Variants in PCSK5 observed in about 807,000 individuals in gnomAD.
PCSK5 encodes the protein proprotein convertase subtilisin/kexin type 5.
In PCSK5, 129 loss-of-function variants were observed where a neutral mutation model predicts 233.2. The observed-to-expected ratio is 0.55, with a 90% CI of 0.48 to 0.64. The LOEUF (loss-of-function observed/expected upper bound fraction) is 0.64. Among genes scored for constraint, PCSK5 ranks in the 30% least tolerant of loss-of-function variants. The pLI, the probability that PCSK5 is intolerant of heterozygous loss-of-function variation, is 0.00. For missense variants in PCSK5, 2,076 were observed against 2,430.1 expected, an observed-to-expected ratio of 0.85 and a Z score of 3.06; for synonymous variants, 825 against 879.2, an observed-to-expected ratio of 0.94 and a Z score of 1.09.
At chr9:76,145,142 A>G (rs1039972902) in intron 10 of PCSK5, among the ~76,000 whole-genome samples, 3 of 152,248 alleles carry the variant, frequency 2.0e-5, no homozygotes, top group East Asian at 1.9e-4. Flanking sequence ...ATAAGATTGC[A>G]ATATCTGTGG....
chr9:75,919,603 AT>A (rs1823156049), intron 1 of PCSK5, among the ~76,000 whole-genome samples: 1 of 152,060 alleles, frequency 6.6e-6, no homozygotes, highest in Non-Finnish European at 1.5e-5. Flanking sequence ...TGATATTGCC[AT>A]TTTTTCCTTT....
intron 3 of PCSK5, among the ~76,000 whole-genome samples, chr9:76,021,555 G>A (rs2131480523): frequency 6.6e-6 from 1 of 152,204 alleles, no homozygotes; most frequent in Admixed American, 6.5e-5. Context: ...AAGAAGTCAG[G>A]AAGATGGGGG....
chr9:76,007,029 G>A (rs2131443174), intron 3 of PCSK5, among the ~76,000 whole-genome samples: 1 of 151,852 alleles, frequency 6.6e-6, no homozygotes, highest in East Asian at 1.9e-4. Flanking sequence ...TTGCTTTTTT[G>A]TTCTCTTTCC....
intron 30 of PCSK5, among the ~76,000 whole-genome samples, chr9:76,320,465 C>CTTTTTTT (rs140154837): frequency 1.6e-4 from 16 of 102,014 alleles, no homozygotes; most frequent in African/African-American, 4.2e-4. Context: ...TACATTGTAG[C>CTTTTTTT]TTTTTTTTTT....
At chr9:76,107,192 C>G in intron 8 of PCSK5, 59 bp from the exon 9 acceptor site, 1 of 985,378 alleles carries the variant, frequency 1.0e-6, no homozygotes, top group Middle Eastern at 2.4e-4. Context: ...ATATTTCTTT[C>G]TACTTGCAGG....
intron 24 of PCSK5, among the ~76,000 whole-genome samples, chr9:76,248,252 T>C (rs1826683350): frequency 6.6e-6 from 1 of 152,192 alleles, no homozygotes; most frequent in Non-Finnish European, 1.5e-5. Context: ...TTTCTAGTTA[T>C]GATTTGAACC....
intron 7 of PCSK5, among the ~76,000 whole-genome samples, chr9:76,091,939 T>C (rs1053947501): frequency 6.6e-6 from 1 of 152,154 alleles, no homozygotes; most frequent in African/African-American, 2.4e-5. Context: ...AAGGGACATT[T>C]TCAGGGCAGC....
rs1399393438 is a variant in PCSK5 at position 76,059,797 on chromosome 9, A to C, written c.633-8158A>C. 2.6e-5 allele frequency among the ~76,000 whole-genome samples: 4 copies of C among 152,258 alleles called. No individual in the cohort carries two copies. The East Asian group carries it at 7.7e-4, about 29-fold the overall frequency. ...AATTCTAAAAAATTATAAATGTTTC[A>C]AATTTTTTATCCTACAGGATAAAAA... On this transcript the variant is annotated intron_variant, in intron 5 of 37. Coordinates refer to ENST00000674117, the MANE Select transcript of PCSK5 (RefSeq NM_001372043.1).
rs1028427730 is a variant in PCSK5 at position 76,310,937 on chromosome 9, ACTCTT to A, written c.3884+91_3884+95del. ...GCAATTCTTTCTTATTCACCAAAAA[ACTCTT>A]CTCTGCTCTACGAGCACCCACATAA... On this transcript the variant is annotated intron_variant, in intron 30 of 37. Transcript: ENST00000674117. 2.5e-4 allele frequency: 224 copies of A among 899,954 alleles called. 1 individual carries two copies. The African/African-American group carries it at 3.4e-3, about 14-fold the overall frequency. 55.7% of individuals were successfully genotyped at this position (899,954 alleles called of 1,614,324 possible). A position where few individuals can be genotyped will look rare whatever the true frequency, so the allele number is the denominator to read the frequency against.
chr9:76,308,208 G>C (rs1828761385), intron 28 of PCSK5, among the ~76,000 whole-genome samples: 2 of 152,042 alleles, frequency 1.3e-5, no homozygotes, highest in Non-Finnish European at 2.9e-5. Flanking sequence ...AAAAAGAAAA[G>C]AAAAGAAAAG....
chr9:76,042,705 A>G (rs1334113758), intron 5 of PCSK5, among the ~76,000 whole-genome samples: 1 of 152,196 alleles, frequency 6.6e-6, no homozygotes, highest in African/African-American at 2.4e-5. Flanking sequence ...TATAGACTGA[A>G]TATTTGTTGC....
chr9:76,337,895 A>G (rs1266173512), intron 34 of PCSK5, among the ~76,000 whole-genome samples: 1 of 152,154 alleles, frequency 6.6e-6, no homozygotes, highest in Non-Finnish European at 1.5e-5. Context: ...TCACAACTTA[A>G]AGCATGAACT....
chr9:75,911,901 A>G (rs965645042), intron 1 of PCSK5, among the ~76,000 whole-genome samples: 1 of 152,212 alleles, frequency 6.6e-6, no homozygotes, highest in African/African-American at 2.4e-5. Context: ...AAACCAAGTC[A>G]TATGACCAAG....
chr9:75,934,505 G>T (rs188243918), intron 2 of PCSK5, among the ~76,000 whole-genome samples: 49 of 149,974 alleles, frequency 3.3e-4, no homozygotes, highest in African/African-American at 1.1e-3. Context: ...AGACCATCCA[G>T]GACATTGCAG....
At chr9:76,095,752 C>T in intron 7 of PCSK5, 138 bp from the exon 8 acceptor site, 1 of 699,648 alleles carries the variant, frequency 1.4e-6, no homozygotes, top group Non-Finnish European at 2.5e-6. Flanking sequence ...TTACTCCACT[C>T]CCAGAAGCTG....
chr9:76,233,443 GTC>G lies in PCSK5; in HGVS notation c.2730-15_2730-14del. 6.2e-7 allele frequency: 1 copy of G among 1,612,438 alleles called. No homozygotes were observed. The highest frequency in any genetic ancestry group is 8.5e-7 in the Non-Finnish European group (1 of 1,179,694). On this transcript the variant is annotated splice_polypyrimidine_tract_variant and intron_variant, in intron 21 of 37. Coordinates refer to ENST00000674117, the MANE Select transcript of PCSK5 (RefSeq NM_001372043.1). ...AAAGTCACCCTGATGAATTCTAAAA[GTC>G]TGCTTTTCCTCTAGGATTTTTGATG...
At chr9:76,013,833 A>T (rs1045555402) in intron 3 of PCSK5, among the ~76,000 whole-genome samples, 1 of 152,184 alleles carries the variant, frequency 6.6e-6, no homozygotes, top group Non-Finnish European at 1.5e-5. Context: ...AAGAAAGATG[A>T]CATATTAAAA....
intron 24 of PCSK5, among the ~76,000 whole-genome samples, chr9:76,285,898 G>A (rs888450259): frequency 8.6e-5 from 13 of 151,952 alleles, no homozygotes; most frequent in Admixed American, 2.0e-4. Flanking sequence ...TTTCATTTTC[G>A]TCTTTTTTAG....
chr9:76,134,687 C>T (rs1192385215), intron 10 of PCSK5, among the ~76,000 whole-genome samples: 1 of 151,912 alleles, frequency 6.6e-6, no homozygotes, highest in South Asian at 2.1e-4. Context: ...CAAAGAAAAG[C>T]AGGTAATAAT....
Sources: allele counts gnomAD v4.1 joint callset (sites outside exome capture counted in the v4.1 genomes callset), GRCh38; gene constraint gnomAD v4.1.1; transcripts MANE v1.5; gene names NCBI Gene and HGNC (gene_info 2026-07-23, HGNC 2026-07-21).